Variants in ZNRF3 observed in about 807,000 individuals in gnomAD.
ZNRF3 encodes E3 ubiquitin-protein ligase ZNRF3.
A neutral mutation model predicts 72.5 loss-of-function variants in ZNRF3; 23 were observed. The observed-to-expected ratio is 0.32, with a 90% CI of 0.23 to 0.45. ZNRF3 has a LOEUF of 0.45. Ranked by LOEUF, ZNRF3 falls within the 20% of genes least tolerant of loss-of-function variation. The pLI is 1.00. For missense variants in ZNRF3, 1,169 were observed against 1,272.1 expected, an observed-to-expected ratio of 0.92 and a Z score of 1.23; for synonymous variants, 610 against 545.3, an observed-to-expected ratio of 1.12 and a Z score of -1.65.
At chr22:28,912,441 G>A (rs1449810400) in intron 1 of ZNRF3, among the ~76,000 whole-genome samples, 2 of 151,894 alleles carry the variant, frequency 1.3e-5, no homozygotes, top group African/African-American at 4.8e-5. Flanking sequence ...AGCTATGCTG[G>A]ATTACATCCG....
intron 1 of ZNRF3, among the ~76,000 whole-genome samples, chr22:28,887,318 T>G (rs1443256112): frequency 6.6e-6 from 1 of 151,894 alleles, no homozygotes; most frequent in African/African-American, 2.4e-5. Flanking sequence ...CTGGTTTGCC[T>G]AGATAATTCT....
intron 1 of ZNRF3, among the ~76,000 whole-genome samples, chr22:28,901,871 T>G (rs1906959409): frequency 6.6e-6 from 1 of 151,810 alleles, no homozygotes; most frequent in Admixed American, 6.6e-5. Context: ...CTAGGCGTTT[T>G]ATGGTGCAGA....
intron 1 of ZNRF3, among the ~76,000 whole-genome samples, chr22:28,985,798 TC>T: frequency 6.6e-6 from 1 of 152,228 alleles, no homozygotes; most frequent in East Asian, 1.9e-4. Flanking sequence ...GTAACAAGTT[TC>T]TACAAACTTA....
At chr22:29,034,212 AT>A (rs1010793621) in intron 2 of ZNRF3, among the ~76,000 whole-genome samples, 2 of 152,166 alleles carry the variant, frequency 1.3e-5, no homozygotes, top group Non-Finnish European at 2.9e-5. Context: ...AAGGTCCTGG[AT>A]TGTGTCTTCC....
At chr22:28,997,988 TAAAA>T (rs557887667) in intron 2 of ZNRF3, among the ~76,000 whole-genome samples, 12 of 115,336 alleles carry the variant, frequency 1.0e-4, no homozygotes, top group Admixed American at 1.9e-4. Context: ...CCTGGCTCTT[TAAAA>T]AAAAAAAAAA....
At chr22:28,906,725 C>G (rs948075647) in intron 1 of ZNRF3, among the ~76,000 whole-genome samples, 1 of 152,208 alleles carries the variant, frequency 6.6e-6, no homozygotes, top group Non-Finnish European at 1.5e-5. Context: ...GACTTGGCAG[C>G]TACAATAGAG....
chr22:28,952,995 G>A (rs990471573), intron 1 of ZNRF3, among the ~76,000 whole-genome samples: 1 of 152,160 alleles, frequency 6.6e-6, no homozygotes, highest in East Asian at 1.9e-4. Context: ...TGTGTATCAG[G>A]TTTCTGCTTA....
chr22:28,901,446 C>A (rs985580495), intron 1 of ZNRF3, among the ~76,000 whole-genome samples: 3 of 152,058 alleles, frequency 2.0e-5, no homozygotes, highest in Non-Finnish European at 2.9e-5. Flanking sequence ...TCCTAGGAAA[C>A]CAGGGAACCA....
chr22:29,037,829 A>T (rs1160457210), intron 2 of ZNRF3, among the ~76,000 whole-genome samples: 2 of 152,152 alleles, frequency 1.3e-5, no homozygotes, highest in Admixed American at 1.3e-4. Flanking sequence ...GTGATGAAGG[A>T]TGTGAAGATA....
At chr22:28,966,325 C>A (rs1332159639) in intron 1 of ZNRF3, among the ~76,000 whole-genome samples, 1 of 152,126 alleles carries the variant, frequency 6.6e-6, no homozygotes, top group African/African-American at 2.4e-5. Context: ...ACAGTGGTTC[C>A]GTAAAGATTA....
chr22:29,056,493 C>A lies in ZNRF3; in HGVS notation c.*2871C>A, dbSNP rs979665444. 6.6e-6 allele frequency: 1 copy of A among 152,194 alleles called. No individual in the cohort carries two copies. Among genetic ancestry groups the A allele is most frequent in the Non-Finnish European group, 1.5e-5 (1 of 68,026 alleles). The allele number at this position is 152,194 out of a possible 1,614,324, so 9.4% of individuals were successfully genotyped here. On this transcript the variant is annotated 3_prime_UTR_variant, in exon 9 of 9. Coordinates refer to ENST00000544604, the MANE Select transcript of ZNRF3 (RefSeq NM_001206998.2). The stretch of plus-strand genomic sequence containing the variant: ...TAACCGATGGTCTTATTTTGTCACA[C>A]GTAAATCAAAAGAAATGTCCTCTTT...
intron 1 of ZNRF3, among the ~76,000 whole-genome samples, chr22:28,976,686 C>T (rs2035680216): frequency 6.6e-6 from 1 of 152,052 alleles, no homozygotes; most frequent in Non-Finnish European, 1.5e-5. Context: ...ATCAAATGTC[C>T]TTTATAAGTT....
chr22:28,968,898 C>T (rs191511684), intron 1 of ZNRF3, among the ~76,000 whole-genome samples: 4 of 152,128 alleles, frequency 2.6e-5, no homozygotes, highest in South Asian at 4.1e-4. Context: ...CATCCCTCCC[C>T]CAACAGCCTT....
rs780984798 is a variant in ZNRF3 at position 29,050,462 on chromosome 22, CT to C, written c.2283del (p.His762ThrfsTer11). 2 of 1,612,482 alleles carry C rather than the reference CT, an allele frequency of 1.2e-6. No homozygotes were observed. Among genetic ancestry groups the C allele is most frequent in the Non-Finnish European group, 1.7e-6 (2 of 1,179,756 alleles). On this transcript the variant is annotated frameshift_variant, in exon 8 of 9. Coordinates refer to ENST00000544604, the MANE Select transcript of ZNRF3 (RefSeq NM_001206998.2). LOFTEE classifies it high-confidence loss of function. ...AGGAAGCTCCCAGGGCTTGTACGGCCTTCACCCCGACCATTTGCCCAGGACA... is the reference window on the plus strand; with the variant it reads ...AGGAAGCTCCCAGGGCTTGTACGGCCTCACCCCGACCATTTGCCCAGGACA... ...QSGSSQGLYGLHPDHLPRTDG... is the reference protein window; with the variant it reads ...QSGSSQGLYGXHPDHLPRTDG...
At chr22:28,987,939 T>C (rs12628368) in intron 2 of ZNRF3, among the ~76,000 whole-genome samples, 10,482 of 152,234 alleles carry the variant, frequency 0.069, 665 homozygotes, top group African/African-American at 0.17. Context: ...AATAAACGTT[T>C]GCTGCCATTG....
chr22:28,947,233 G>C (rs1187883270), intron 1 of ZNRF3, among the ~76,000 whole-genome samples: 1 of 152,100 alleles, frequency 6.6e-6, no homozygotes, highest in Admixed American at 6.5e-5. Context: ...TCATTGTGTG[G>C]ATATACCACA....
chr22:28,900,759 CA>C (rs1254143213), intron 1 of ZNRF3, among the ~76,000 whole-genome samples: 1 of 152,168 alleles, frequency 6.6e-6, no homozygotes, highest in Non-Finnish European at 1.5e-5. Context: ...GACTTGGAGC[CA>C]ACTCCCCATT....
intron 1 of ZNRF3, among the ~76,000 whole-genome samples, chr22:28,937,215 A>ATAT (rs1384534826): frequency 1.1e-4 from 1 of 8,856 alleles, no homozygotes; most frequent in Admixed American, 2.5e-3. Flanking sequence ...ATATATATAT[A>ATAT]TTTTTTTTTT....
intron 1 of ZNRF3, among the ~76,000 whole-genome samples, chr22:28,968,102 G>C (rs1396525497): frequency 6.6e-6 from 1 of 152,102 alleles, no homozygotes; most frequent in African/African-American, 2.4e-5. Context: ...AGCTATCAAA[G>C]CTGTGTTAGA....
Sources: gnomAD v4.1 joint callset for allele counts (sites outside exome capture counted in the v4.1 genomes callset) on GRCh38, gnomAD v4.1.1 for gene constraint, MANE v1.5 for transcripts, NCBI Gene and HGNC (gene_info 2026-07-23, HGNC 2026-07-21) for gene names.